Variants in CNOT6L observed in about 807,000 individuals in gnomAD.
CNOT6L encodes the protein CCR4-NOT transcription complex subunit 6-like.
Under a neutral mutation model 64.0 loss-of-function variants are expected in CNOT6L, and 7 were observed. The ratio of observed to expected loss-of-function variants is 0.11; its 90% CI spans 0.06 to 0.21. CNOT6L has a LOEUF of 0.21. Among genes scored for constraint, CNOT6L ranks in the 10% least tolerant of loss-of-function variants. CNOT6L has a pLI of 1.00. For missense variants in CNOT6L, 245 were observed against 669.0 expected, an observed-to-expected ratio of 0.37 and a Z score of 6.99; for synonymous variants, 193 against 243.4, an observed-to-expected ratio of 0.79 and a Z score of 1.93.
At chr4:77,726,638 G>A (rs945464499) in intron 10 of CNOT6L, among the ~76,000 whole-genome samples, 1 of 152,140 alleles carries the variant, frequency 6.6e-6, no homozygotes, top group Admixed American at 6.5e-5. Context: ...TTTCTTAGTG[G>A]TTTTTCAGGC....
intron 4 of CNOT6L, among the ~76,000 whole-genome samples, chr4:77,762,391 G>A (rs562067513): frequency 1.3e-5 from 2 of 152,166 alleles, no homozygotes; most frequent in South Asian, 4.1e-4. Flanking sequence ...ACAGAATAGT[G>A]TGTTTAGCAG....
rs199716504 is a variant in CNOT6L at position 77,748,336 on chromosome 4, C to T, written c.539G>A (p.Arg180Gln). 1.2e-3 allele frequency: 1,910 copies of T among 1,611,986 alleles called. 6 individuals carry two copies. The highest frequency in any genetic ancestry group is 1.4e-3 in the Non-Finnish European group (1,675 of 1,178,698). Residue 180 changes from arginine to glutamine, a missense_variant, in exon 6 of 12, where the codon CGA becomes CAA. Arg to Gln is a conservative substitution (Grantham distance 43, BLOSUM62 1). Coordinates refer to ENST00000504123, the MANE Select transcript of CNOT6L (RefSeq NM_144571.3). ...PPRPWITLKE[R>Q]DQILPSASFT... ...TTTACCTGACGGCAGAATTTGGTCT[C>T]GTTCTTTTAATGTAATCCATGGCCT...
At chr4:77,734,101 C>A (rs1722709040) in intron 8 of CNOT6L, among the ~76,000 whole-genome samples, 2 of 152,124 alleles carry the variant, frequency 1.3e-5, no homozygotes, top group South Asian at 4.1e-4. Context: ...AAGACTAAAA[C>A]TTCACTTTGG....
chr4:77,729,316 T>G (rs924256109), intron 9 of CNOT6L, among the ~76,000 whole-genome samples: 11 of 152,230 alleles, frequency 7.2e-5, no homozygotes, highest in African/African-American at 2.7e-4. Context: ...GCCCATGGGC[T>G]AAATCTGGCC....
At chr4:77,751,535 A>G (rs181731958) in intron 5 of CNOT6L, among the ~76,000 whole-genome samples, 122 of 152,344 alleles carry the variant, frequency 8.0e-4, no homozygotes, top group African/African-American at 2.9e-3. Flanking sequence ...TACACCTAAC[A>G]AATTTAAGAA....
intron 1 of CNOT6L, among the ~76,000 whole-genome samples, chr4:77,791,541 A>C (rs984984588): frequency 1.3e-5 from 2 of 152,200 alleles, no homozygotes; most frequent in African/African-American, 4.8e-5. Flanking sequence ...TTAAACATCC[A>C]TATTTTCTTT....
At chr4:77,771,789 G>C (rs1390525474) in intron 4 of CNOT6L, among the ~76,000 whole-genome samples, 1 of 152,126 alleles carries the variant, frequency 6.6e-6, no homozygotes, top group African/African-American at 2.4e-5. Flanking sequence ...AGCAAATGCA[G>C]GCAGAACATT....
intron 1 of CNOT6L, among the ~76,000 whole-genome samples, chr4:77,790,734 C>T (rs1248792975): frequency 3.3e-5 from 5 of 151,410 alleles, no homozygotes; most frequent in African/African-American, 7.3e-5. Flanking sequence ...CGGATTCTTG[C>T]TCTGTCGCCC....
chr4:77,734,442 G>A (rs1722746973), intron 8 of CNOT6L, among the ~76,000 whole-genome samples: 1 of 152,028 alleles, frequency 6.6e-6, no homozygotes. Flanking sequence ...AATCAATTTT[G>A]ATGACTGGAT....
At chr4:77,786,839 A>C (rs567999390) in intron 1 of CNOT6L, among the ~76,000 whole-genome samples, 1 of 152,202 alleles carries the variant, frequency 6.6e-6, no homozygotes, top group African/African-American at 2.4e-5. Context: ...TTGCTGAAAA[A>C]TATCACCAGA....
At chr4:77,782,670 G>A (rs1281698789) in intron 1 of CNOT6L, among the ~76,000 whole-genome samples, 1 of 143,164 alleles carries the variant, frequency 7.0e-6, no homozygotes. Context: ...TAAAGAGACA[G>A]TGTCTACCTA....
intron 9 of CNOT6L, among the ~76,000 whole-genome samples, chr4:77,730,229 T>C (rs995566868): frequency 6.6e-6 from 1 of 152,104 alleles, no homozygotes; most frequent in African/African-American, 2.4e-5. Context: ...CTGAAGTATC[T>C]GTTATATCTG....
chr4:77,726,436 A>C, intron 10 of CNOT6L, 67 bp from the exon 11 acceptor site: 2 of 1,247,570 alleles, frequency 1.6e-6, no homozygotes, highest in Non-Finnish European at 2.3e-6. Context: ...CACAGCCAAG[A>C]CTTGTTACCA....
chr4:77,810,870 C>T (rs1485744449), intron 1 of CNOT6L, among the ~76,000 whole-genome samples: 8 of 151,858 alleles, frequency 5.3e-5, no homozygotes, highest in Non-Finnish European at 1.0e-4. Context: ...TTTTGGCTTC[C>T]ACCTAGAAGT....
intron 1 of CNOT6L, among the ~76,000 whole-genome samples, chr4:77,800,932 AAG>A (rs1731465059): frequency 6.6e-6 from 1 of 152,242 alleles, no homozygotes; most frequent in African/African-American, 2.4e-5. Flanking sequence ...GCATTAAACA[AAG>A]AGCTAACCCT....
intron 1 of CNOT6L, among the ~76,000 whole-genome samples, chr4:77,779,067 AAAAAAAC>A (rs1728526240): frequency 3.8e-5 from 4 of 105,150 alleles, no homozygotes; most frequent in East Asian, 2.5e-4. Context: ...AAAAAACAAA[AAAAAAAC>A]ACAAAAAACA....
intron 4 of CNOT6L, among the ~76,000 whole-genome samples, chr4:77,764,472 G>C (rs1172023925): frequency 6.6e-6 from 1 of 152,102 alleles, no homozygotes; most frequent in Non-Finnish European, 1.5e-5. Flanking sequence ...CTCTGCCTAT[G>C]GAGTAGTCAT....
In CNOT6L at chr4:77,718,073, A is replaced by AAAAAGTTTTTTATTAAT. The variant is rs1720931460; in HGVS notation, c.*2341_*2357dup. The AAAAAGTTTTTTATTAAT allele has an allele frequency of 6.6e-6, 1 of 152,510 alleles. No individual in the cohort carries two copies. Among genetic ancestry groups the AAAAAGTTTTTTATTAAT allele is most frequent in the Non-Finnish European group, 1.5e-5 (1 of 68,010 alleles). The allele number at this position is 152,510 out of a possible 1,614,324, so 9.4% of individuals were successfully genotyped here. On this transcript the variant is annotated 3_prime_UTR_variant, in exon 12 of 12. Coordinates refer to ENST00000504123, the MANE Select transcript of CNOT6L (RefSeq NM_144571.3). ...TTTTTCCCTCTACATTTAACTATTA[A>AAAAAGTTTTTTATTAAT]AAAAGTTTTTTATTAATAAATGGGC...
rs1356561192 is a variant in CNOT6L at position 77,720,382 on chromosome 4, T to C, written c.*49A>G. On this transcript the variant is annotated 3_prime_UTR_variant, in exon 12 of 12. Transcript: ENST00000504123. ...ACTCCTACATACTTTGATTTACAAC[T>C]GTACAGGTCCATAGCAACAGATCCC... 1 of 1,590,874 alleles carries C rather than the reference T, an allele frequency of 6.3e-7. No homozygotes were observed. The highest frequency in any genetic ancestry group is 2.2e-5 in the East Asian group (1 of 44,816).
Sources: gnomAD v4.1 joint callset for allele counts (sites outside exome capture counted in the v4.1 genomes callset) on GRCh38, gnomAD v4.1.1 for gene constraint, MANE v1.5 for transcripts, NCBI Gene and HGNC (gene_info 2026-07-23, HGNC 2026-07-21) for gene names.